The following NCAM1 variants were observed in gnomAD, a reference collection of about 807,000 sequenced individuals.
NCAM1 encodes the protein antigen recognized by monoclonal antibody 5.1H11.
Under a neutral mutation model 109.8 loss-of-function variants are expected in NCAM1, and 14 were observed. The ratio of observed to expected loss-of-function variants is 0.13; its 90% CI spans 0.08 to 0.20. NCAM1 has a LOEUF of 0.20. Among genes scored for constraint, NCAM1 ranks in the 10% least tolerant of loss-of-function variants. The pLI is 1.00. For synonymous variants in NCAM1, 418 were observed against 442.9 expected (o/e 0.94, Z 0.70); for missense variants, 774 against 1,109.9 (o/e 0.70, Z 4.30).
intron 1 of NCAM1, among the ~76,000 whole-genome samples, chr11:112,964,140 GTTTTTTTTT>G (rs1254307069): frequency 1.2e-4 from 9 of 72,912 alleles, no homozygotes; most frequent in South Asian, 1.1e-3. Context: ...TTTTTTTTTT[GTTTTTTTTT>G]TTTTTGTTTT....
At chr11:113,111,396 A>G (rs541787059) in intron 1 of NCAM1, among the ~76,000 whole-genome samples, 11 of 151,094 alleles carry the variant, frequency 7.3e-5, no homozygotes, top group African/African-American at 2.0e-4. Flanking sequence ...CTATTCTAGG[A>G]AAAAAAAAGT....
Position 113,274,548 on chromosome 11 carries a change from C to T in NCAM1, c.2457-719C>T, listed in dbSNP as rs1475269132. ...CCCAGATAAGCTGCCATGCTGCCAC[C>T]ATGGGCTGCAAGGGGCTCTCGCCAG... On this transcript the variant is annotated intron_variant, in intron 19 of 19. Coordinates refer to ENST00000316851, the MANE Select transcript of NCAM1 (RefSeq NM_181351.5). The surrounding 1 kb of genome is among the most constrained non-coding windows in gnomAD (Gnocchi z 4.1). Among the ~76,000 whole-genome samples the T allele has an allele frequency of 6.6e-6, 1 of 152,214 alleles. No individual in the cohort carries two copies. The highest frequency in any genetic ancestry group is 1.5e-5 in the Non-Finnish European group (1 of 68,038).
chr11:113,188,756 G>C (rs190358711), intron 1 of NCAM1, among the ~76,000 whole-genome samples: 5 of 152,196 alleles, frequency 3.3e-5, no homozygotes, highest in Admixed American at 2.6e-4. Flanking sequence ...AGTGACTTTT[G>C]GTCACTAACA....
In NCAM1 at chr11:113,277,352, C is replaced by T. The variant is rs1165893042; in HGVS notation, c.*1965C>T. On this transcript the variant is annotated 3_prime_UTR_variant, in exon 20 of 20. Coordinates refer to ENST00000316851, the MANE Select transcript of NCAM1 (RefSeq NM_181351.5). ...GGGTTATGTTGCATTTTCTCAGCTC[C>T]TGGGGATGGAAATGGAGGATCCCAG... The T allele has an allele frequency of 2.5e-6, 1 of 399,004 alleles. No individual in the cohort carries two copies. The highest frequency in any genetic ancestry group is 4.4e-6 in the Non-Finnish European group (1 of 226,160). 24.7% of individuals were successfully genotyped at this position (399,004 alleles called of 1,614,324 possible).
At chr11:113,114,887 T>C (rs916155904) in intron 1 of NCAM1, among the ~76,000 whole-genome samples, 6 of 152,148 alleles carry the variant, frequency 3.9e-5, no homozygotes, top group Non-Finnish European at 8.8e-5. Flanking sequence ...ACCAGAAATA[T>C]ATAAATTAAG....
At chr11:113,094,545 C>G (rs1458571408) in intron 1 of NCAM1, among the ~76,000 whole-genome samples, 2 of 152,164 alleles carry the variant, frequency 1.3e-5, no homozygotes, top group African/African-American at 4.8e-5. Context: ...ACCCTCAATC[C>G]TGCATTTCTC....
rs782668024 is a variant in NCAM1 at position 113,207,754 on chromosome 11, T to C, written c.747-79T>C. The C allele has an allele frequency of 6.2e-6, 9 of 1,449,728 alleles. No individual in the cohort carries two copies. In the African/African-American group the frequency reaches 1.3e-4, roughly 20 times the overall value. 89.8% of individuals were successfully genotyped at this position (1,449,728 alleles called of 1,614,324 possible). ...GTCTTTCCCATTGACTCAGTCTGCATTCTATGGAACCTAATTAAAAATAAA... is the reference window on the plus strand; with the variant it reads ...GTCTTTCCCATTGACTCAGTCTGCACTCTATGGAACCTAATTAAAAATAAA... On this transcript the variant is annotated intron_variant, in intron 6 of 19. Coordinates refer to ENST00000316851, the MANE Select transcript of NCAM1 (RefSeq NM_181351.5).
At chr11:113,024,152 G>T (rs1436577446) in intron 1 of NCAM1, among the ~76,000 whole-genome samples, 1 of 152,212 alleles carries the variant, frequency 6.6e-6, no homozygotes, top group Non-Finnish European at 1.5e-5. Context: ...GTGCCTCAGA[G>T]AATCTACTAG....
At chr11:113,066,218 GA>G (rs142482208) in intron 1 of NCAM1, among the ~76,000 whole-genome samples, 8,070 of 148,614 alleles carry the variant, frequency 0.054, 589 homozygotes, top group Admixed American at 0.16. Context: ...AGTTCAGTGA[GA>G]AAAAAAAAAT....
intron 14 of NCAM1, among the ~76,000 whole-genome samples, chr11:113,240,201 G>C (rs1861038853): frequency 1.3e-5 from 2 of 152,178 alleles, no homozygotes; most frequent in South Asian, 4.1e-4. Flanking sequence ...GGCAGCAGTG[G>C]TTGCAGCATC....
chr11:113,093,594 G>C (rs1939460195), intron 1 of NCAM1, among the ~76,000 whole-genome samples: 1 of 152,122 alleles, frequency 6.6e-6, no homozygotes, highest in African/African-American at 2.4e-5. Context: ...CCTTTGGAAG[G>C]CTTCCCTTTG....
chr11:113,071,283 C>A (rs192458234), intron 1 of NCAM1, among the ~76,000 whole-genome samples: 195 of 152,206 alleles, frequency 1.3e-3, no homozygotes, highest in African/African-American at 4.6e-3. Flanking sequence ...GCAACAAAAT[C>A]CAGGATGTAG....
At chr11:113,016,022 G>C (rs551497272) in intron 1 of NCAM1, among the ~76,000 whole-genome samples, 1 of 152,156 alleles carries the variant, frequency 6.6e-6, no homozygotes. Flanking sequence ...GTGGTGTGCC[G>C]AGTATTAAAT....
chr11:113,231,045 T>G, intron 9 of NCAM1: 6 of 741,940 alleles, frequency 8.1e-6, no homozygotes, highest in Non-Finnish European at 1.3e-5. Flanking sequence ...TTACTCTCAC[T>G]TCCAGTGCAG....
intron 1 of NCAM1, among the ~76,000 whole-genome samples, chr11:113,047,685 G>A (rs566705599): frequency 2.6e-5 from 4 of 152,300 alleles, no homozygotes; most frequent in African/African-American, 9.6e-5. Context: ...TTGGCTCACA[G>A]TTCCCCAGGG....
At chr11:113,114,207 A>G (rs12295092) in intron 1 of NCAM1, among the ~76,000 whole-genome samples, 2,894 of 152,304 alleles carry the variant, frequency 0.019, 87 homozygotes, top group African/African-American at 0.066. Flanking sequence ...CCAGGCCCCA[A>G]ACAACCCATA....
intron 1 of NCAM1, among the ~76,000 whole-genome samples, chr11:113,008,643 C>G (rs1023854994): frequency 1.3e-5 from 2 of 152,142 alleles, no homozygotes; most frequent in Admixed American, 1.3e-4. Flanking sequence ...ATAGTTCCAT[C>G]GAGTCACCAA....
chr11:113,235,327 G>A (rs781785881), intron 14 of NCAM1, 163 bp downstream of exon 14: 196 of 1,414,480 alleles, frequency 1.4e-4, no homozygotes, highest in Admixed American at 2.2e-4. Flanking sequence ...GGTTCTCAGT[G>A]ACAGCTAACA....
chr11:113,154,661 A>G (rs1942347021), intron 1 of NCAM1, among the ~76,000 whole-genome samples: 1 of 152,198 alleles, frequency 6.6e-6, no homozygotes, highest in Non-Finnish European at 1.5e-5. Context: ...GAACACATAG[A>G]GTTAAACGTT....
Sources: gnomAD v4.1 joint callset for allele counts (sites outside exome capture counted in the v4.1 genomes callset) on GRCh38, gnomAD v4.1.1 for gene constraint, Gnocchi (gnomAD v3.1) non-coding constraint, MANE v1.5 for transcripts, NCBI Gene and HGNC (gene_info 2026-07-23, HGNC 2026-07-21) for gene names.